The following PHEX variants were observed in gnomAD, a reference collection of about 807,000 sequenced individuals.
PHEX encodes phosphate regulating endopeptidase X-linked, also known as phosphate-regulating neutral endopeptidase PHEX.
Under a neutral mutation model 68.0 loss-of-function variants are expected in PHEX, and 16 were observed. The ratio of observed to expected loss-of-function variants is 0.24; its 90% CI spans 0.16 to 0.36. The LOEUF (loss-of-function observed/expected upper bound fraction) is 0.36, where lower values mean the gene tolerates loss of function less well. Among genes scored for constraint, PHEX ranks in the 10% least tolerant of loss-of-function variants. The probability of loss-of-function intolerance (pLI) is 1.00; values close to 1 mark genes in which losing one functional copy is unlikely to be tolerated. For missense variants in PHEX, 480 were observed against 575.5 expected (o/e 0.83, Z 1.70); for synonymous variants, 208 against 205.1 (o/e 1.01, Z -0.12).
At position 22,125,869 on chromosome X, in the gene PHEX, A is replaced by T. The variant is rs749196030; in HGVS notation, c.1303-7654A>T. ...AGCTTTCATGTTGTTAAATCTCATG[A>T]TCATATCTGCACAGCACCATATTTT... On this transcript the variant is annotated intron_variant, in intron 11 of 21. Coordinates refer to ENST00000379374, the MANE Select transcript of PHEX (RefSeq NM_000444.6). Among the ~76,000 whole-genome samples, 4 of 110,403 alleles carry T rather than the reference A, an allele frequency of 3.6e-5. 1 individual carries two copies. In the Admixed American group the frequency reaches 3.9e-4, roughly 11 times the overall value.
At chrX:22,177,932 C>T (rs1437822448) in intron 13 of PHEX, among the ~76,000 whole-genome samples, 3 of 111,853 alleles carry the variant, frequency 2.7e-5, no homozygotes, top group Admixed American at 1.9e-4. Flanking sequence ...GACTCGTGAG[C>T]CAAGAAATTT....
intron 15 of PHEX, among the ~76,000 whole-genome samples, chrX:22,198,829 G>C (rs1299470705): frequency 9.0e-6 from 1 of 111,633 alleles, no homozygotes; most frequent in East Asian, 2.8e-4. Context: ...TGCTAGTAAA[G>C]ACGTACCCAA....
At chrX:22,072,810 CTT>C (rs1442050962) in intron 3 of PHEX, among the ~76,000 whole-genome samples, 1 of 111,761 alleles carries the variant, frequency 8.9e-6, no homozygotes, top group African/African-American at 3.3e-5. Context: ...AGCGTGTTAA[CTT>C]TGTGAACATT....
chrX:22,089,776 T>C (rs1929796155), intron 5 of PHEX, among the ~76,000 whole-genome samples: 1 of 112,394 alleles, frequency 8.9e-6, no homozygotes, highest in African/African-American at 3.2e-5. Context: ...ATCACTGTAA[T>C]TCTACTTATT....
Position 22,217,539 on chromosome X carries a change from C to A in PHEX, c.1701-1497C>A, listed in dbSNP as rs151307800. ...CATTCCTTCCAGTTATGGGTCCTAT[C>A]TATTTGCTGGGTGACTTTGATGTTG... On this transcript the variant is annotated intron_variant, in intron 16 of 21. Coordinates refer to ENST00000379374, the MANE Select transcript of PHEX (RefSeq NM_000444.6). Among the ~76,000 whole-genome samples, 4 of 111,816 alleles carry A rather than the reference C, an allele frequency of 3.6e-5. No homozygotes were observed. The South Asian group carries it at 1.5e-3, about 42-fold the overall frequency.
At chrX:22,114,359 G>A (rs749254004) in intron 10 of PHEX, 99 bp from the exon 11 acceptor site, 131 of 754,651 alleles carry the variant, frequency 1.7e-4, no homozygotes, top group Non-Finnish European at 2.4e-4. Flanking sequence ...GTTAGGGTGT[G>A]CAGTGTTTTG....
intron 3 of PHEX, among the ~76,000 whole-genome samples, chrX:22,050,335 T>C (rs1031803937): frequency 1.5e-4 from 17 of 111,612 alleles, no homozygotes; most frequent in African/African-American, 4.6e-4. Context: ...CCCAGCACTT[T>C]GGAAGAACAA....
At position 22,111,471 on chromosome X, in the gene PHEX, A is replaced by G; in HGVS notation, c.1084A>G (p.Ile362Val). 4 of 1,202,511 alleles carry G rather than the reference A, an allele frequency of 3.3e-6. No individual in the cohort carries two copies. Among genetic ancestry groups the G allele is most frequent in the East Asian group, 3.0e-5 (1 of 33,813 alleles). Residue 362 changes from isoleucine (I) to valine (V), a missense_variant, in exon 10 of 22, where the codon ATT (isoleucine) becomes GTT (valine). Transcript: ENST00000379374. Reference sequence around the variant, plus strand: ...GGCATCTCTCTCTGTTAACAGGACCATTGCCAACTATTTGGTGTGGAGAAT... The same window carrying G: ...GGCATCTCTCTCTGTTAACAGGACCGTTGCCAACTATTTGGTGTGGAGAAT... ...RILGSERKKT[I>V]ANYLVWRMVY...
intron 3 of PHEX, among the ~76,000 whole-genome samples, chrX:22,062,858 T>G (rs771032848): frequency 9.0e-6 from 1 of 111,017 alleles, no homozygotes; most frequent in Non-Finnish European, 1.9e-5. Context: ...CCTCCCAGGT[T>G]CAAGCGATTC....
At chrX:22,034,436 G>A (rs1322268280) in intron 1 of PHEX, among the ~76,000 whole-genome samples, 1 of 112,421 alleles carries the variant, frequency 8.9e-6, no homozygotes, top group Non-Finnish European at 1.9e-5. Context: ...TGAGGCCGTG[G>A]CATATCGGTT....
chrX:22,072,615 C>T (rs1486021349), intron 3 of PHEX, among the ~76,000 whole-genome samples: 2 of 111,523 alleles, frequency 1.8e-5, no homozygotes, highest in Non-Finnish European at 3.8e-5. Context: ...AAAAAGGACT[C>T]GTACGTAGAA....
rs113048506 is a variant in PHEX at position 22,188,953 on chromosome X, A to G, written c.1587-1491A>G. Among the ~76,000 whole-genome samples, 953 of 111,511 alleles carry G rather than the reference A, an allele frequency of 8.5e-3. 10 individuals carry two copies. The highest frequency in any genetic ancestry group is 0.029 in the African/African-American group (900 of 30,647). On this transcript the variant is annotated intron_variant, in intron 14 of 21. Transcript: ENST00000379374. ...TCTGGTAACCATCCTTCTACTCTCTATCTCCACGAGTTCAATCGTTTTGGT... is the reference window on the plus strand; with the variant it reads ...TCTGGTAACCATCCTTCTACTCTCTGTCTCCACGAGTTCAATCGTTTTGGT...
At chrX:22,092,749 CTT>C (rs370527485) in intron 6 of PHEX, among the ~76,000 whole-genome samples, 2 of 77,940 alleles carry the variant, frequency 2.6e-5, no homozygotes, top group Non-Finnish European at 4.7e-5. Flanking sequence ...TTCTTTCTTT[CTT>C]TTTTTTTTTT....
At chrX:22,138,733 G>C (rs182690434) in intron 12 of PHEX, among the ~76,000 whole-genome samples, 210 of 112,191 alleles carry the variant, frequency 1.9e-3, no homozygotes, top group African/African-American at 6.4e-3. Flanking sequence ...TCATCAAACT[G>C]TCTCCTGCCC....
At chrX:22,072,033 C>T (rs1928925454) in intron 3 of PHEX, among the ~76,000 whole-genome samples, 1 of 112,368 alleles carries the variant, frequency 8.9e-6, no homozygotes, top group Non-Finnish European at 1.9e-5. Context: ...TCGAGACCAG[C>T]CTGGCTAACA....
intron 8 of PHEX, among the ~76,000 whole-genome samples, chrX:22,098,794 T>TCAA (rs1569390713): frequency 3.5e-4 from 3 of 8,599 alleles, no homozygotes; most frequent in African/African-American, 2.4e-3. Flanking sequence ...CGAGAATGTC[T>TCAA]CAAAAAAAAA....
intron 20 of PHEX, among the ~76,000 whole-genome samples, chrX:22,235,312 C>T (rs1935935508): frequency 8.9e-6 from 1 of 111,973 alleles, no homozygotes; most frequent in African/African-American, 3.2e-5. Flanking sequence ...TAGTTCTTCT[C>T]GATGTTTCAT....
Position 22,118,234 on chromosome X carries a change from C to A in PHEX, c.1302+3648C>A, listed in dbSNP as rs768884696. 5.0e-5 allele frequency among the ~76,000 whole-genome samples: 5 copies of A among 100,891 alleles called. No homozygotes were observed. In the South Asian group the frequency reaches 1.4e-3, roughly 28 times the overall value. 87.6% of individuals were successfully genotyped at this position (100,891 alleles called of 115,157 possible). Reference sequence around the variant, plus strand: ...TTTAAGTTGTGTTTGGGGTAGGACCCAAGAATTTGCCTAACAAGGTTCCAG... The same window carrying A: ...TTTAAGTTGTGTTTGGGGTAGGACCAAAGAATTTGCCTAACAAGGTTCCAG... On this transcript the variant is annotated intron_variant, in intron 11 of 21. Coordinates refer to ENST00000379374, the MANE Select transcript of PHEX (RefSeq NM_000444.6).
chrX:22,131,222 G>T (rs1377914375), intron 11 of PHEX, among the ~76,000 whole-genome samples: 1 of 109,939 alleles, frequency 9.1e-6, no homozygotes, highest in African/African-American at 3.3e-5. Flanking sequence ...TGTATTTTTA[G>T]TAGAGACGGG....
Sources: gnomAD v4.1 joint callset for allele counts (sites outside exome capture counted in the v4.1 genomes callset) on GRCh38, gnomAD v4.1.1 for gene constraint, MANE v1.5 for transcripts, NCBI Gene and HGNC (gene_info 2026-07-23, HGNC 2026-07-21) for gene names.